ITPR2: variants seen among roughly 807,000 people sequenced by gnomAD.
ITPR2 encodes the protein inositol 1,4,5-trisphosphate-gated calcium channel ITPR2.
In ITPR2, 207 loss-of-function variants were observed where a neutral mutation model predicts 317.1. The observed-to-expected ratio is 0.65, with a 90% CI of 0.58 to 0.73. The LOEUF (loss-of-function observed/expected upper bound fraction) is 0.73, where lower values mean the gene tolerates loss of function less well. Among genes scored for constraint, ITPR2 ranks in the 30% least tolerant of loss-of-function variants. ITPR2 has a pLI of 0.00. For synonymous variants in ITPR2, 1,156 were observed against 1,149.1 expected, an observed-to-expected ratio of 1.01 and a Z score of -0.12; for missense variants, 2,613 against 3,284.0, an observed-to-expected ratio of 0.80 and a Z score of 4.99.
At position 26,481,324 on chromosome 12, in the gene ITPR2, C is replaced by T. The variant is rs1480694184; in HGVS notation, c.6013-83G>A. The T allele has an allele frequency of 6.4e-6, 5 of 780,684 alleles. No homozygotes were observed. In the East Asian group the frequency reaches 1.1e-4, roughly 17 times the overall value. The allele number at this position is 780,684 out of a possible 1,614,324, so 48.4% of individuals were successfully genotyped here. ...CTAACAGGATATAAAACAACATAAT[C>T]ACCTTAATTTTTGACCTTTAAAAAA... On this transcript the variant is annotated intron_variant, in intron 42 of 56. Transcript: ENST00000381340.
Position 26,625,885 on chromosome 12 carries a change from A to T in ITPR2, c.3065-1529T>A, listed in dbSNP as rs558502142. Among the ~76,000 whole-genome samples the T allele has an allele frequency of 3.3e-5, 5 of 152,028 alleles. No individual in the cohort carries two copies. The East Asian group carries it at 9.7e-4, about 29-fold the overall frequency. The stretch of plus-strand genomic sequence containing the variant: ...GAAAGGGCATTTTTTTTTCTACGTG[A>T]ACCAATCATGATTCCTTACTGTCCC... On this transcript the variant is annotated intron_variant, in intron 23 of 56. Transcript: ENST00000381340.
chr12:26,574,297 G>A (rs1364746932), intron 34 of ITPR2, among the ~76,000 whole-genome samples: 1 of 149,722 alleles, frequency 6.7e-6, no homozygotes, highest in Non-Finnish European at 1.5e-5. Flanking sequence ...TCTTTTCTTT[G>A]TCTAAATATT....
At chr12:26,494,410 C>A (rs1942885706) in intron 38 of ITPR2, 70 bp from the exon 39 acceptor site, 1 of 946,378 alleles carries the variant, frequency 1.1e-6, no homozygotes, top group African/African-American at 1.7e-5. Flanking sequence ...TTTTCAAATT[C>A]TTAAATTTTA....
At chr12:26,520,294 G>A (rs1943629654) in intron 37 of ITPR2, among the ~76,000 whole-genome samples, 1 of 152,114 alleles carries the variant, frequency 6.6e-6, no homozygotes, top group Non-Finnish European at 1.5e-5. Flanking sequence ...AAGTATGAGA[G>A]GGAGATTGCA....
chr12:26,413,044 C>A (rs1266582467), intron 51 of ITPR2, among the ~76,000 whole-genome samples: 1 of 152,160 alleles, frequency 6.6e-6, no homozygotes, highest in Non-Finnish European at 1.5e-5. Flanking sequence ...GGGTGAGAAA[C>A]AGGAGGATGG....
intron 37 of ITPR2, among the ~76,000 whole-genome samples, chr12:26,507,408 G>C (rs938636511): frequency 1.3e-5 from 2 of 152,162 alleles, no homozygotes; most frequent in Non-Finnish European, 2.9e-5. Context: ...TCTTATGAAT[G>C]TTATTTTGGA....
At chr12:26,521,834 C>T (rs1029675670) in intron 37 of ITPR2, among the ~76,000 whole-genome samples, 13 of 152,144 alleles carry the variant, frequency 8.5e-5, no homozygotes, top group Admixed American at 4.6e-4. Flanking sequence ...GATGCAGCAG[C>T]GAGTTATATT....
At chr12:26,533,063 C>A (rs1033045590) in intron 37 of ITPR2, among the ~76,000 whole-genome samples, 2 of 152,176 alleles carry the variant, frequency 1.3e-5, no homozygotes, top group African/African-American at 2.4e-5. Flanking sequence ...TCTTCATGAT[C>A]ATGCTGAAAC....
intron 48 of ITPR2, among the ~76,000 whole-genome samples, chr12:26,432,525 G>A (rs1941238467): frequency 6.6e-6 from 1 of 151,180 alleles, no homozygotes; most frequent in Non-Finnish European, 1.5e-5. Context: ...ATACTGTGGG[G>A]ACAGAATTGT....
At chr12:26,349,055 G>A (rs1257059910) in intron 55 of ITPR2, among the ~76,000 whole-genome samples, 1 of 152,174 alleles carries the variant, frequency 6.6e-6, no homozygotes, top group South Asian at 2.1e-4. Context: ...GGCTGAGGTG[G>A]AAGGATCATT....
At chr12:26,800,505 G>A (rs1014068612) in intron 1 of ITPR2, among the ~76,000 whole-genome samples, 1 of 152,210 alleles carries the variant, frequency 6.6e-6, no homozygotes, top group Non-Finnish European at 1.5e-5. Context: ...GTACACCCCT[G>A]TAGTCCCAGC....
intron 37 of ITPR2, among the ~76,000 whole-genome samples, chr12:26,546,841 T>C (rs1944401856): frequency 6.6e-6 from 1 of 152,154 alleles, no homozygotes; most frequent in South Asian, 2.1e-4. Flanking sequence ...CTGGGAAAAT[T>C]GGACAGTCAC....
In ITPR2 at chr12:26,833,002, G is replaced by A. The variant is rs1951144172; in HGVS notation, c.-221C>T. On this transcript the variant is annotated 5_prime_UTR_variant, in exon 1 of 57. Coordinates refer to ENST00000381340, the MANE Select transcript of ITPR2 (RefSeq NM_002223.4). ...CAAGCCGCAGCTGCGGACACCCCGC[G>A]AAGAGCGCAGCCCAGGCGCCCAGAG... is the stretch of plus-strand genomic sequence containing the variant. 7.9e-6 allele frequency: 4 copies of A among 509,004 alleles called. No homozygotes were observed. The South Asian group carries it at 1.0e-4, about 13-fold the overall frequency. 31.5% of individuals were successfully genotyped at this position (509,004 alleles called of 1,614,324 possible). A position where few individuals can be genotyped will look rare whatever the true frequency, so the allele number is the denominator to read the frequency against.
At chr12:26,388,912 G>A (rs543573149) in intron 54 of ITPR2, among the ~76,000 whole-genome samples, 10 of 152,096 alleles carry the variant, frequency 6.6e-5, no homozygotes, top group South Asian at 2.1e-4. Flanking sequence ...CCTTTTATTC[G>A]ATGGCAGCTC....
At chr12:26,481,292 A>G in intron 42 of ITPR2, 51 bp from the exon 43 acceptor site, 1 of 1,027,424 alleles carries the variant, frequency 9.7e-7, no homozygotes, top group Non-Finnish European at 1.5e-6. Flanking sequence ...ACAGAATAGC[A>G]CTAGAACTAA....
rs535148172 is a variant in ITPR2 at position 26,458,607 on chromosome 12, A to C, written c.6343-14957T>G. On this transcript the variant is annotated intron_variant, in intron 45 of 56. Transcript: ENST00000381340. ...ACGATAAAAACAAGATAAACACGAG[A>C]CACTTCTAGAATCAATGATACAGTT... Among the ~76,000 whole-genome samples, 41 of 152,358 alleles carry C rather than the reference A, an allele frequency of 2.7e-4. No individual in the cohort carries two copies. The South Asian group carries it at 5.6e-3, about 21-fold the overall frequency.
At chr12:26,400,469 T>C (rs991248387) in intron 52 of ITPR2, among the ~76,000 whole-genome samples, 2 of 152,080 alleles carry the variant, frequency 1.3e-5, no homozygotes, top group African/African-American at 4.8e-5. Context: ...AATATAATAT[T>C]AAAAAGTGTA....
chr12:26,831,533 A>C lies in ITPR2; in HGVS notation c.92+1157T>G, dbSNP rs1951099973. Among the ~76,000 whole-genome samples the C allele has an allele frequency of 6.6e-6, 1 of 152,128 alleles. No individual in the cohort carries two copies. Among genetic ancestry groups the C allele is most frequent in the South Asian group, 2.1e-4 (1 of 4,836 alleles). On this transcript the variant is annotated intron_variant, in intron 1 of 56. Transcript: ENST00000381340. This position sits in a 1 kb window ranked among gnomAD's most constrained non-coding sequence, Gnocchi z 4.9. ...CTGAAATGTAGGGCGGGGGGACCTA[A>C]GTGTTGAAACAACGAGGTAACAAAA... is the stretch of plus-strand genomic sequence containing the variant.
chr12:26,391,279 A>G (rs1399358026), intron 54 of ITPR2, among the ~76,000 whole-genome samples: 1 of 152,218 alleles, frequency 6.6e-6, no homozygotes, highest in Non-Finnish European at 1.5e-5. Context: ...TAATATCCCT[A>G]TTTAGCGGAA....
Sources: allele counts gnomAD v4.1 joint callset (sites outside exome capture counted in the v4.1 genomes callset), GRCh38; gene constraint gnomAD v4.1.1; non-coding constraint Gnocchi (gnomAD v3.1); transcripts MANE v1.5; gene names NCBI Gene and HGNC (gene_info 2026-07-23, HGNC 2026-07-21).